MYLK: variants seen among roughly 807,000 people sequenced by gnomAD.
The protein encoded by MYLK is myosin light chain kinase, smooth muscle.
MYLK carries 106 observed loss-of-function variants against 203.4 expected under a neutral mutation model. That is an observed-to-expected ratio of 0.52 (90% CI 0.45 to 0.61). MYLK has a LOEUF of 0.61. Ranked by LOEUF, MYLK falls within the 20% of genes least tolerant of loss-of-function variation. The probability of loss-of-function intolerance (pLI) is 0.00; values close to 1 mark genes in which losing one functional copy is unlikely to be tolerated. For missense variants in MYLK, 2,072 were observed against 2,442.3 expected, an observed-to-expected ratio of 0.85 and a Z score of 3.20; for synonymous variants, 867 against 959.5, an observed-to-expected ratio of 0.90 and a Z score of 1.78.
At chr3:123,650,222 G>A (rs888220975) in intron 24 of MYLK, among the ~76,000 whole-genome samples, 1 of 152,174 alleles carries the variant, frequency 6.6e-6, no homozygotes, top group African/African-American at 2.4e-5. Context: ...AAGAGGAAGG[G>A]TTGCACCTGA....
At chr3:123,713,262 G>A (rs990352307) in intron 13 of MYLK, among the ~76,000 whole-genome samples, 3 of 152,106 alleles carry the variant, frequency 2.0e-5, no homozygotes, top group African/African-American at 7.2e-5. Context: ...TTCTCAGACC[G>A]GCAAGGTGGG....
intron 19 of MYLK, among the ~76,000 whole-genome samples, chr3:123,687,115 G>C (rs1191473138): frequency 1.3e-5 from 2 of 152,128 alleles, no homozygotes; most frequent in Non-Finnish European, 2.9e-5. Context: ...TCAGCTACTT[G>C]GGAGGCTGAG....
intron 19 of MYLK, among the ~76,000 whole-genome samples, chr3:123,684,861 C>T (rs186313445): frequency 6.6e-6 from 1 of 152,212 alleles, no homozygotes; most frequent in East Asian, 1.9e-4. Flanking sequence ...GAGTACAGGG[C>T]AGACTATGTA....
intron 3 of MYLK, among the ~76,000 whole-genome samples, chr3:123,817,867 A>G (rs1029955927): frequency 6.6e-6 from 1 of 152,174 alleles, no homozygotes; most frequent in Non-Finnish European, 1.5e-5. Flanking sequence ...TGCATGTCCA[A>G]CAGACCTGAG....
chr3:123,799,196 C>T (rs963484572), intron 3 of MYLK, among the ~76,000 whole-genome samples: 1 of 150,868 alleles, frequency 6.6e-6, no homozygotes, highest in African/African-American at 2.4e-5. Flanking sequence ...CCTCACCCCT[C>T]ACCCCCTGAT....
At chr3:123,670,276 A>G (rs1160892232) in intron 20 of MYLK, among the ~76,000 whole-genome samples, 2 of 152,146 alleles carry the variant, frequency 1.3e-5, no homozygotes, top group South Asian at 4.2e-4. Flanking sequence ...TTAGAAGGCT[A>G]AAAGACAGGA....
At chr3:123,671,871 A>G (rs1031333596) in intron 20 of MYLK, among the ~76,000 whole-genome samples, 2 of 152,092 alleles carry the variant, frequency 1.3e-5, no homozygotes, top group Non-Finnish European at 2.9e-5. Flanking sequence ...CTGAGCCACA[A>G]AGGCCCTGCC....
intron 2 of MYLK, among the ~76,000 whole-genome samples, chr3:123,864,589 C>T (rs938186029): frequency 6.6e-6 from 1 of 152,094 alleles, no homozygotes; most frequent in African/African-American, 2.4e-5. Flanking sequence ...TTAAACTTTG[C>T]TGTATACTTG....
At chr3:123,779,740 C>T (rs1339376588) in intron 4 of MYLK, among the ~76,000 whole-genome samples, 1 of 152,238 alleles carries the variant, frequency 6.6e-6, no homozygotes, top group African/African-American at 2.4e-5. Context: ...CTCACCATCA[C>T]CATCTCCCAC....
chr3:123,762,752 A>T (rs1220834269), intron 4 of MYLK, among the ~76,000 whole-genome samples: 1 of 152,184 alleles, frequency 6.6e-6, no homozygotes, highest in Non-Finnish European at 1.5e-5. Flanking sequence ...GCCTTCCACC[A>T]TGAGATGACA....
At chr3:123,650,547 G>C (rs1343740946) in intron 24 of MYLK, among the ~76,000 whole-genome samples, 2 of 152,094 alleles carry the variant, frequency 1.3e-5, no homozygotes, top group Non-Finnish European at 2.9e-5. Context: ...TTTAAAAAAA[G>C]ACTAAAACTA....
chr3:123,659,472 C>T (rs7619172), intron 23 of MYLK, among the ~76,000 whole-genome samples: 26 of 151,986 alleles, frequency 1.7e-4, no homozygotes, highest in Non-Finnish European at 2.5e-4. Context: ...AAATTTGGGG[C>T]GAGGGACTTT....
intron 2 of MYLK, among the ~76,000 whole-genome samples, chr3:123,870,703 T>G (rs896379360): frequency 6.6e-6 from 1 of 152,272 alleles, no homozygotes; most frequent in African/African-American, 2.4e-5. Flanking sequence ...TCTATTTTTG[T>G]AAACCAGGTT....
intron 27 of MYLK, among the ~76,000 whole-genome samples, chr3:123,643,897 G>A (rs1363340980): frequency 6.6e-6 from 1 of 152,250 alleles, no homozygotes; most frequent in East Asian, 1.9e-4. Context: ...AGCCATGGAT[G>A]ACACAGCTTA....
intron 3 of MYLK, among the ~76,000 whole-genome samples, chr3:123,797,305 T>A (rs547198865): frequency 2.4e-4 from 36 of 152,306 alleles, no homozygotes; most frequent in African/African-American, 6.3e-4. Flanking sequence ...ACTACAATTT[T>A]AATGGCGAGC....
chr3:123,712,592 T>C (rs1177041812), intron 13 of MYLK, among the ~76,000 whole-genome samples: 1 of 152,220 alleles, frequency 6.6e-6, no homozygotes, highest in African/African-American at 2.4e-5. Flanking sequence ...CATTGGGGAC[T>C]AAAAGCCTAT....
At chr3:123,692,443 C>G in intron 19 of MYLK, 2 of 1,213,066 alleles carry the variant, frequency 1.6e-6, no homozygotes, top group South Asian at 3.1e-5. Context: ...CTGCCCAGTG[C>G]CCCAGCTTCC....
At chr3:123,872,549 C>A (rs1262897410) in intron 2 of MYLK, among the ~76,000 whole-genome samples, 2 of 152,134 alleles carry the variant, frequency 1.3e-5, no homozygotes, top group Non-Finnish European at 2.9e-5. Flanking sequence ...CCCATGACCC[C>A]CTTCTTGGGT....
intron 4 of MYLK, among the ~76,000 whole-genome samples, chr3:123,776,164 A>T (rs932001564): frequency 6.6e-6 from 1 of 152,120 alleles, no homozygotes; most frequent in African/African-American, 2.4e-5. Context: ...GCAGATACAG[A>T]CTGAGGTCTA....
Sources: allele counts gnomAD v4.1 joint callset (sites outside exome capture counted in the v4.1 genomes callset), GRCh38; gene constraint gnomAD v4.1.1; transcripts MANE v1.5; gene names NCBI Gene and HGNC (gene_info 2026-07-23, HGNC 2026-07-21).